Variants in MX2 observed in about 807,000 individuals in gnomAD.
MX2 encodes the protein MX dynamin like GTPase 2.
In MX2, 51 loss-of-function variants were observed where a neutral mutation model predicts 74.0. The ratio of observed to expected loss-of-function variants is 0.69; its 90% CI spans 0.55 to 0.87. The LOEUF is 0.87. Ranked by LOEUF, MX2 falls within the 40% of genes least tolerant of loss-of-function variation. MX2 has a pLI of 0.00. For missense variants in MX2, 832 were observed against 908.7 expected (o/e 0.92, Z 1.09); for synonymous variants, 369 against 339.3 (o/e 1.09, Z -0.96).
chr21:41,369,090 C>T (rs1194800162), intron 1 of MX2, among the ~76,000 whole-genome samples: 1 of 152,238 alleles, frequency 6.6e-6, no homozygotes, highest in Non-Finnish European at 1.5e-5. Flanking sequence ...AAAATTGCTG[C>T]CTAGCCCTTC....
chr21:41,403,668 A>G (rs772554556), intron 12 of MX2: 9 of 564,888 alleles, frequency 1.6e-5, no homozygotes, highest in Middle Eastern at 5.8e-4. Flanking sequence ...CATAAAGCAC[A>G]GCATTGTTTA....
At chr21:41,373,563 C>T (rs1326463679) in intron 1 of MX2, among the ~76,000 whole-genome samples, 1 of 152,138 alleles carries the variant, frequency 6.6e-6, no homozygotes, top group Admixed American at 6.5e-5. Context: ...GATCTTCCTG[C>T]TCTCCCCAAC....
intron 3 of MX2, among the ~76,000 whole-genome samples, chr21:41,379,093 C>T (rs1431148807): frequency 6.6e-6 from 1 of 152,218 alleles, no homozygotes; most frequent in African/African-American, 2.4e-5. Flanking sequence ...CACCTGCAGC[C>T]TGGTCCTTTA....
chr21:41,380,103 G>C lies in MX2; in HGVS notation c.529G>C (p.Glu177Gln). The C allele has an allele frequency of 2.5e-6, 4 of 1,613,992 alleles. No homozygotes were observed. The highest frequency in any genetic ancestry group is 3.4e-6 in the Non-Finnish European group (4 of 1,179,880). Residue 177 changes from glutamate (E) to glutamine (Q), a missense_variant, in exon 4 of 14, where the codon GAG becomes CAG. Glu to Gln is a conservative substitution (Grantham distance 29, BLOSUM62 2). Coordinates refer to ENST00000330714, the MANE Select transcript of MX2 (RefSeq NM_002463.2). The surrounding 1 kb of genome is among the most constrained non-coding windows in gnomAD (Gnocchi z 4.3). ...WAGRISYRNT[E>Q]LELQDPGQVE... is the part of the protein sequence containing the mutation. ...CGGAAGGATCAGCTACCGGAACACC[G>C]AGCTAGAGCTTCAGGACCCTGGCCA...
intron 1 of MX2, 97 bp from the exon 2 acceptor site, chr21:41,376,739 A>G: frequency 1.2e-6 from 1 of 824,532 alleles, no homozygotes; most frequent in East Asian, 2.5e-5. Context: ...TGTAGGGGGT[A>G]GGTTGTAGGG....
At chr21:41,373,694 G>A (rs140309019) in intron 1 of MX2, among the ~76,000 whole-genome samples, 1 of 151,794 alleles carries the variant, frequency 6.6e-6, no homozygotes, top group East Asian at 1.9e-4. Context: ...AAAGGGTGTT[G>A]CCCCTGGGTT....
intron 13 of MX2, 98 bp from the exon 14 acceptor site, chr21:41,407,893 C>T: frequency 1.3e-6 from 2 of 1,510,386 alleles, no homozygotes; most frequent in Middle Eastern, 2.0e-4. Flanking sequence ...CTTCGCCAGG[C>T]AACCATGTGC....
rs1048034626 is a variant in MX2 at position 41,380,586 on chromosome 21, G to C, written c.577+435G>C. Among the ~76,000 whole-genome samples, 1 of 152,144 alleles carries C rather than the reference G, an allele frequency of 6.6e-6. No individual in the cohort carries two copies. The highest frequency in any genetic ancestry group is 2.4e-5 in the African/African-American group (1 of 41,416). On this transcript the variant is annotated intron_variant, in intron 4 of 13. Coordinates refer to ENST00000330714, the MANE Select transcript of MX2 (RefSeq NM_002463.2). This position sits in a 1 kb window ranked among gnomAD's most constrained non-coding sequence, Gnocchi z 4.3. ...CTGCAGGACCCCTGGTCCCACCCCAGGTGTCACAACCATGGCTTGTCTTCC... is the reference window on the plus strand; with the variant it reads ...CTGCAGGACCCCTGGTCCCACCCCACGTGTCACAACCATGGCTTGTCTTCC...
chr21:41,406,352 A>G (rs1208311691), intron 12 of MX2, among the ~76,000 whole-genome samples: 1 of 152,222 alleles, frequency 6.6e-6, no homozygotes, highest in Non-Finnish European at 1.5e-5. Flanking sequence ...AAACAGGTAT[A>G]TCACACTATT....
chr21:41,403,766 A>G (rs1006680352), intron 12 of MX2: 1 of 419,238 alleles, frequency 2.4e-6, no homozygotes. Context: ...CCCCCGAGTT[A>G]CCTTCAGCAA....
chr21:41,390,346 G>A (rs1422108543), intron 5 of MX2: 11 of 550,714 alleles, frequency 2.0e-5, no homozygotes, highest in South Asian at 4.1e-5. Context: ...AAGAAGACAT[G>A]CCAGCCGTGG....
In MX2 at chr21:41,401,965, T is replaced by A; in HGVS notation, c.1415-5T>A. 6.2e-7 allele frequency: 1 copy of A among 1,611,938 alleles called. No homozygotes were observed. The highest frequency in any genetic ancestry group is 8.5e-7 in the Non-Finnish European group (1 of 1,179,042). On this transcript the variant is annotated splice_polypyrimidine_tract_variant and splice_region_variant and intron_variant, in intron 10 of 13. Transcript: ENST00000330714. ...TTCACCATGGAGGTCTGTTTGATGT[T>A]GCAGTTAAAAATATTATCCACGAAG...
intron 5 of MX2, among the ~76,000 whole-genome samples, chr21:41,384,298 G>A (rs1050744498): frequency 1.1e-4 from 17 of 152,158 alleles, no homozygotes; most frequent in Admixed American, 3.9e-4. Flanking sequence ...GACTAATACA[G>A]GTGGGATCAG....
intron 13 of MX2, 78 bp downstream of exon 13, chr21:41,407,076 C>T (rs1427850396): frequency 1.3e-6 from 2 of 1,489,182 alleles, no homozygotes; most frequent in South Asian, 2.6e-5. Context: ...CCTAGAGAGG[C>T]TTTGCTGAGG....
chr21:41,362,477 G>A (rs865881437), intron 1 of MX2, among the ~76,000 whole-genome samples: 3 of 152,122 alleles, frequency 2.0e-5, no homozygotes, highest in South Asian at 2.1e-4. Context: ...ATGCTCTGAC[G>A]TAACCTTAGT....
chr21:41,401,935 C>A, intron 10 of MX2, 35 bp from the exon 11 acceptor site: 1 of 1,597,774 alleles, frequency 6.3e-7, no homozygotes, highest in Non-Finnish European at 8.5e-7. Context: ...GCAGAATTAG[C>A]AGAATTCACC....
Position 41,380,013 on chromosome 21 carries a change from T to C in MX2, c.443-4T>C, listed in dbSNP as rs1568936709. The C allele has an allele frequency of 1.2e-6, 2 of 1,613,774 alleles. No individual in the cohort carries two copies. Among genetic ancestry groups the C allele is most frequent in the Admixed American group, 3.3e-5 (2 of 59,956 alleles). On this transcript the variant is annotated splice_region_variant and splice_polypyrimidine_tract_variant and intron_variant, in intron 3 of 13. Transcript: ENST00000330714. This position sits in a 1 kb window ranked among gnomAD's most constrained non-coding sequence, Gnocchi z 4.3. ...TGAGGATATTTGGGGAACCTCTCGC[T>C]CAGGAATCGTAACCAGGTGTCCGCT...
rs1222023283 is a variant in MX2, at chr21:41,409,208, AGAGT to A, written c.*979_*982del. 6.7e-6 allele frequency: 1 copy of A among 149,582 alleles called. No homozygotes were observed. The highest frequency in any genetic ancestry group is 1.5e-5 in the Non-Finnish European group (1 of 67,664). 9.3% of individuals were successfully genotyped at this position (149,582 alleles called of 1,614,324 possible). A position where few individuals can be genotyped will look rare whatever the true frequency, so the allele number is the denominator to read the frequency against. On this transcript the variant is annotated 3_prime_UTR_variant, in exon 14 of 14. Coordinates refer to ENST00000330714, the MANE Select transcript of MX2 (RefSeq NM_002463.2). ...CACCATGTACTACAGCCTGGGTGAC[AGAGT>A]GAGAGTGAGACTCTGTCTCTGAATA...
At chr21:41,386,239 AAAAAAAAAAAC>A (rs1301623185) in intron 5 of MX2, among the ~76,000 whole-genome samples, 16 of 150,998 alleles carry the variant, frequency 1.1e-4, no homozygotes, top group African/African-American at 3.6e-4. Flanking sequence ...AAAAAAAAAA[AAAAAAAAAAAC>A]AAATCTGCAA....
Sources: gnomAD v4.1 joint callset for allele counts (sites outside exome capture counted in the v4.1 genomes callset) on GRCh38, gnomAD v4.1.1 for gene constraint, Gnocchi (gnomAD v3.1) non-coding constraint, MANE v1.5 for transcripts, NCBI Gene and HGNC (gene_info 2026-07-23, HGNC 2026-07-21) for gene names.